The following KCNMB1 variants were observed in gnomAD, a reference collection of about 807,000 sequenced individuals.
KCNMB1 encodes the protein potassium calcium-activated channel subfamily M regulatory beta subunit 1.
A neutral mutation model predicts 21.7 loss-of-function variants in KCNMB1; 22 were observed. That is an observed-to-expected ratio of 1.01 (90% CI 0.72 to 1.45). KCNMB1 has a LOEUF of 1.45. Among genes scored for constraint, KCNMB1 ranks in the 40% most tolerant of loss-of-function variants. The pLI is 0.00. For missense variants in KCNMB1, 243 were observed against 243.4 expected (o/e 1.00, Z 0.01); for synonymous variants, 114 against 107.6 (o/e 1.06, Z -0.37).
intron 3 of KCNMB1, among the ~76,000 whole-genome samples, chr5:170,381,687 C>T (rs564128827): frequency 2.0e-5 from 3 of 152,354 alleles, no homozygotes; most frequent in Non-Finnish European, 2.9e-5. Context: ...TCCTTCACAT[C>T]CTGCTGACAG....
Position 170,378,943 on chromosome 5 carries a change from A to C in KCNMB1, c.337T>G (p.Tyr113Asp), listed in dbSNP as rs140971787. ...CSYIPGSVDN[Y>D]QTARADVEKV... ...TCCACGTCGGCCCGGGCCGTCTGGTAATTGTCCACGCTGCCTGGGATGTAG... is the reference window on the plus strand; with the variant it reads ...TCCACGTCGGCCCGGGCCGTCTGGTCATTGTCCACGCTGCCTGGGATGTAG... Residue 113 changes from tyrosine (Y) to aspartate (D), a missense_variant, in exon 4 of 4, where the codon TAC (tyrosine) becomes GAC (aspartate). Transcript: ENST00000274629. The C allele has an allele frequency of 8.9e-5, 143 of 1,614,104 alleles. 1 individual carries two copies. Among genetic ancestry groups the C allele is most frequent in the Non-Finnish European group, 1.2e-4 (136 of 1,179,956 alleles).
rs1383099188 is a variant in KCNMB1, at chr5:170,386,686, G to GTT, written c.-24-1217_-24-1216dup. 8.8e-3 allele frequency among the ~76,000 whole-genome samples: 1,274 copies of GTT among 143,958 alleles called. 16 individuals carry two copies. The highest frequency in any genetic ancestry group is 0.03 in the African/African-American group (1,199 of 39,500). 94.4% of individuals were successfully genotyped at this position (143,958 alleles called of 152,430 possible). A position where few individuals can be genotyped will look rare whatever the true frequency, so the allele number is the denominator to read the frequency against. On this transcript the variant is annotated intron_variant, in intron 1 of 3. Transcript: ENST00000274629. ...GGCAGGAGGTTTACCATATTCCGGT[G>GTT]TTTTTTTTTTTTGTAAGGAACATTC...
rs1288535993 is a variant in KCNMB1 at position 170,374,865 on chromosome 5, CAGG to C, written c.*3836_*3838del. Reference sequence around the variant, plus strand: ...TTGCTAGAAGGCCAGTCTTTATTGACAGGAGGAGAACATCTATCTCAAGCAAAT... The same window carrying C: ...TTGCTAGAAGGCCAGTCTTTATTGACAGGAGAACATCTATCTCAAGCAAAT... On this transcript the variant is annotated 3_prime_UTR_variant, in exon 4 of 4. Transcript: ENST00000274629. The C allele has an allele frequency of 6.6e-6, 1 of 152,146 alleles. No individual in the cohort carries two copies. The highest frequency in any genetic ancestry group is 1.5e-5 in the Non-Finnish European group (1 of 68,026). The allele number at this position is 152,146 out of a possible 1,614,324, so 9.4% of individuals were successfully genotyped here.
chr5:170,382,325 C>A (rs962183220), intron 3 of KCNMB1, among the ~76,000 whole-genome samples: 1 of 152,118 alleles, frequency 6.6e-6, no homozygotes, highest in Non-Finnish European at 1.5e-5. Context: ...AGTGTTGGAC[C>A]CTAGTTTTGT....
intron 1 of KCNMB1, among the ~76,000 whole-genome samples, chr5:170,387,459 G>T (rs766105186): frequency 1.3e-5 from 2 of 152,164 alleles, no homozygotes; most frequent in Non-Finnish European, 2.9e-5. Context: ...AAAGGGAAGA[G>T]ACCAGGGTCA....
Position 170,378,591 on chromosome 5 carries a change from TG to T in KCNMB1, c.*112del. ...CAACAGAAGACAGCGTGGATTGGAC[TG>T]GAAGAGTGGGAGGGCAGGTGGAGAA... is the stretch of plus-strand genomic sequence containing the variant. On this transcript the variant is annotated 3_prime_UTR_variant, in exon 4 of 4. Transcript: ENST00000274629. 1 of 1,119,572 alleles carries T rather than the reference TG, an allele frequency of 8.9e-7. No individual in the cohort carries two copies. Among genetic ancestry groups the T allele is most frequent in the Non-Finnish European group, 1.3e-6 (1 of 779,962 alleles). The allele number at this position is 1,119,572 out of a possible 1,614,324, so 69.4% of individuals were successfully genotyped here. A position where few individuals can be genotyped will look rare whatever the true frequency, so the allele number is the denominator to read the frequency against.
At position 170,383,751 on chromosome 5, in the gene KCNMB1, C is replaced by T. The variant is rs756450450; in HGVS notation, c.234G>A (p.Trp78Ter). The T allele has an allele frequency of 1.9e-6, 3 of 1,614,042 alleles. No homozygotes were observed. Among genetic ancestry groups the T allele is most frequent in the African/African-American group, 1.3e-5 (1 of 74,906 alleles). ...GKKVPQYPCL[W>*]VNVSAAGRWA... ...ACCTGCCGGCAGCTGACACGTTGAC[C>T]CACAGGCATGGGTACTGGGGCACCT... The change falls in exon 3 of 4, where the codon TGG becomes TGA. Residue 78 changes from tryptophan (W) to a stop codon, truncating the protein, a stop_gained. Coordinates refer to ENST00000274629, the MANE Select transcript of KCNMB1 (RefSeq NM_004137.4). LOFTEE classifies it high-confidence loss of function.
chr5:170,378,417 G>A lies in KCNMB1; in HGVS notation c.*287C>T. 1 of 365,096 alleles carries A rather than the reference G, an allele frequency of 2.7e-6. No individual in the cohort carries two copies. The highest frequency in any genetic ancestry group is 4.9e-6 in the Non-Finnish European group (1 of 203,728). The allele number at this position is 365,096 out of a possible 1,614,324, so 22.6% of individuals were successfully genotyped here. On this transcript the variant is annotated 3_prime_UTR_variant, in exon 4 of 4. Coordinates refer to ENST00000274629, the MANE Select transcript of KCNMB1 (RefSeq NM_004137.4). ...TCTCTGTGGGGCACATAGTGATGCA[G>A]CCGGAAACAGGTATGAGTCAGTTGA...
chr5:170,385,962 A>C (rs1017596841), intron 1 of KCNMB1, among the ~76,000 whole-genome samples: 8 of 151,828 alleles, frequency 5.3e-5, no homozygotes, highest in Non-Finnish European at 1.2e-4. Context: ...TACTAAAAAA[A>C]AAAAATACAA....
chr5:170,385,955 T>TAA (rs548199277), intron 1 of KCNMB1, among the ~76,000 whole-genome samples: 1 of 141,774 alleles, frequency 7.1e-6, no homozygotes, highest in Admixed American at 7.0e-5. Flanking sequence ...CCATCTCTAC[T>TAA]AAAAAAAAAA....
At chr5:170,379,270 A>G (rs1764142145) in intron 3 of KCNMB1, among the ~76,000 whole-genome samples, 1 of 151,894 alleles carries the variant, frequency 6.6e-6, no homozygotes, top group Non-Finnish European at 1.5e-5. Context: ...TTTTTGGCAA[A>G]TTTCTCACTC....
chr5:170,385,210 G>A, intron 2 of KCNMB1, 104 bp downstream of exon 2: 2 of 1,290,222 alleles, frequency 1.6e-6, no homozygotes, highest in South Asian at 2.5e-5. Context: ...CTGCTGCCTT[G>A]AATGAGGGTC....
chr5:170,386,133 A>C (rs1764462526), intron 1 of KCNMB1, among the ~76,000 whole-genome samples: 1 of 149,804 alleles, frequency 6.7e-6, no homozygotes, highest in Non-Finnish European at 1.5e-5. Flanking sequence ...AAAAAAAAAA[A>C]CAAAAAACAA....
Position 170,378,464 on chromosome 5 carries a change from C to A in KCNMB1, c.*240G>T, listed in dbSNP as rs1581125768. On this transcript the variant is annotated 3_prime_UTR_variant, in exon 4 of 4. Coordinates refer to ENST00000274629, the MANE Select transcript of KCNMB1 (RefSeq NM_004137.4). Reference sequence around the variant, plus strand: ...TTGAGTGGGGACAGGTAATAGAGAGCTAGAACTGGCTGGCCTTATGGCCTC... The same window carrying A: ...TTGAGTGGGGACAGGTAATAGAGAGATAGAACTGGCTGGCCTTATGGCCTC... The A allele has an allele frequency of 1.9e-6, 1 of 531,328 alleles. No homozygotes were observed. Among genetic ancestry groups the A allele is most frequent in the Admixed American group, 3.5e-5 (1 of 28,524 alleles). The allele number at this position is 531,328 out of a possible 1,614,324, so 32.9% of individuals were successfully genotyped here.
At position 170,378,336 on chromosome 5, in the gene KCNMB1, TG is replaced by T. The variant is rs772113831; in HGVS notation, c.*367del. ...GCTGGGGACAGCTTCTGGGGGAGGA[TG>T]GGTACCGCTTTGAGACAACAGGGAG... On this transcript the variant is annotated 3_prime_UTR_variant, in exon 4 of 4. Coordinates refer to ENST00000274629, the MANE Select transcript of KCNMB1 (RefSeq NM_004137.4). 31 of 192,572 alleles carry T rather than the reference TG, an allele frequency of 1.6e-4. No individual in the cohort carries two copies. Among genetic ancestry groups the T allele is most frequent in the Non-Finnish European group, 2.3e-4 (22 of 94,936 alleles). The allele number at this position is 192,572 out of a possible 1,614,324, so 11.9% of individuals were successfully genotyped here.
In KCNMB1 at chr5:170,374,672, CAT is replaced by C. The variant is rs1763938694; in HGVS notation, c.*4030_*4031del. 6.6e-6 allele frequency: 1 copy of C among 152,182 alleles called. No individual in the cohort carries two copies. Among genetic ancestry groups the C allele is most frequent in the Non-Finnish European group, 1.5e-5 (1 of 68,044 alleles). 9.4% of individuals were successfully genotyped at this position (152,182 alleles called of 1,614,324 possible). A position where few individuals can be genotyped will look rare whatever the true frequency, so the allele number is the denominator to read the frequency against. Reference sequence around the variant, plus strand: ...ATAAATGATGGAAGCACTAGACACTCATTAGCAGAGTGGTTTATTAAGAACTG... The same window carrying C: ...ATAAATGATGGAAGCACTAGACACTCTAGCAGAGTGGTTTATTAAGAACTG... On this transcript the variant is annotated 3_prime_UTR_variant, in exon 4 of 4. Transcript: ENST00000274629.
At chr5:170,383,272 T>A (rs1258606996) in intron 3 of KCNMB1, 1 of 374,454 alleles carries the variant, frequency 2.7e-6, no homozygotes, top group Admixed American at 4.2e-5. Flanking sequence ...GCCTGGTCCC[T>A]CATTTGACTG....
chr5:170,380,436 C>A (rs540304708), intron 3 of KCNMB1, among the ~76,000 whole-genome samples: 2 of 152,350 alleles, frequency 1.3e-5, no homozygotes, highest in South Asian at 2.1e-4. Flanking sequence ...AGGTGTTGAG[C>A]CAGATTCCTT....
chr5:170,381,205 A>T (rs188769), intron 3 of KCNMB1, among the ~76,000 whole-genome samples: 2 of 151,872 alleles, frequency 1.3e-5, no homozygotes, highest in Admixed American at 1.3e-4. Context: ...TCATGGCCAA[A>T]CCCAGAAGCC....
Sources: gnomAD v4.1 joint callset for allele counts (sites outside exome capture counted in the v4.1 genomes callset) on GRCh38, gnomAD v4.1.1 for gene constraint, MANE v1.5 for transcripts, NCBI Gene and HGNC (gene_info 2026-07-23, HGNC 2026-07-21) for gene names.